The following UPF2 variants were observed in gnomAD, a reference collection of about 807,000 sequenced individuals.
UPF2 encodes the protein UPF2 regulator of nonsense mediated mRNA decay, also known as regulator of nonsense transcripts 2.
UPF2 carries 17 observed loss-of-function variants against 141.4 expected under a neutral mutation model. The ratio of observed to expected loss-of-function variants is 0.12; its 90% CI spans 0.08 to 0.18. The LOEUF (loss-of-function observed/expected upper bound fraction) is 0.18, where lower values mean the gene tolerates loss of function less well. UPF2 is among the 10% of genes least tolerant of loss of function. The pLI, the probability that UPF2 is intolerant of heterozygous loss-of-function variation, is 1.00. For synonymous variants in UPF2, 540 were observed against 498.0 expected (o/e 1.08, Z -1.12); for missense variants, 1,152 against 1,515.9 (o/e 0.76, Z 3.99).
intron 21 of UPF2, 131 bp downstream of exon 21, chr10:11,929,733 TA>T: frequency 7.6e-7 from 1 of 1,323,984 alleles, no homozygotes. Flanking sequence ...TCTATTTTGC[TA>T]AAATATCAAA....
chr10:12,036,744 G>A (rs538685452), intron 1 of UPF2, among the ~76,000 whole-genome samples: 98 of 152,200 alleles, frequency 6.4e-4, no homozygotes, highest in African/African-American at 1.8e-3. Flanking sequence ...ATCAAAATTC[G>A]GCCAAGCACA....
chr10:11,985,094 T>A lies in UPF2; in HGVS notation c.1845-5929A>T, dbSNP rs74949247. On this transcript the variant is annotated intron_variant, in intron 8 of 21. Transcript: ENST00000357604. ...TGAAGTAACAACACGGGAAAATGCTTTCAGCTTTAATAGGGATTTTTAAAA... is the reference window on the plus strand; with the variant it reads ...TGAAGTAACAACACGGGAAAATGCTATCAGCTTTAATAGGGATTTTTAAAA... Among the ~76,000 whole-genome samples, 918 of 152,320 alleles carry A rather than the reference T, an allele frequency of 6.0e-3. 8 individuals carry two copies. Among genetic ancestry groups the A allele is most frequent in the African/African-American group, 0.021 (862 of 41,560 alleles).
intron 20 of UPF2, 108 bp from the exon 21 acceptor site, chr10:11,930,093 A>T: frequency 6.7e-7 from 1 of 1,485,708 alleles, no homozygotes; most frequent in Admixed American, 2.0e-5. Flanking sequence ...CCTGTCAGGG[A>T]GCTGACTAAA....
rs1308464030 is a variant in UPF2 at position 11,939,558 on chromosome 10, C to T, written c.3379-2846G>A. Among the ~76,000 whole-genome samples, 2 of 151,802 alleles carry T rather than the reference C, an allele frequency of 1.3e-5. No homozygotes were observed. The highest frequency in any genetic ancestry group is 1.5e-5 in the Non-Finnish European group (1 of 67,958). ...GACGAAGTCTCGCTCTTGTCTCCCC[C>T]GGCTGGAGTGCAATGGCGTGATCTC... is the stretch of plus-strand genomic sequence containing the variant. On this transcript the variant is annotated intron_variant, in intron 18 of 21. Coordinates refer to ENST00000357604, the MANE Select transcript of UPF2 (RefSeq NM_015542.4). This position sits in a 1 kb window ranked among gnomAD's most constrained non-coding sequence, Gnocchi z 4.8.
At chr10:12,038,373 C>A (rs1834670610) in intron 1 of UPF2, among the ~76,000 whole-genome samples, 1 of 132,118 alleles carries the variant, frequency 7.6e-6, no homozygotes, top group South Asian at 2.5e-4. Flanking sequence ...GAGTGAGACT[C>A]CATCTCACAC....
chr10:11,945,743 A>G (rs1182209324), intron 16 of UPF2, among the ~76,000 whole-genome samples: 1 of 152,242 alleles, frequency 6.6e-6, no homozygotes, highest in Non-Finnish European at 1.5e-5. Context: ...TGAGAAATTA[A>G]TAAGAAAATG....
chr10:12,034,340 T>TTG (rs1189435840), intron 2 of UPF2, among the ~76,000 whole-genome samples: 1 of 148,874 alleles, frequency 6.7e-6, no homozygotes, highest in African/African-American at 2.5e-5. Context: ...TTTTTTTTTT[T>TTG]GAGATGCAGT....
At chr10:12,031,259 T>G (rs970135005) in intron 2 of UPF2, among the ~76,000 whole-genome samples, 1 of 151,524 alleles carries the variant, frequency 6.6e-6, no homozygotes. Flanking sequence ...TTTAACAAAG[T>G]ACCTTGCTAT....
At chr10:11,968,120 A>G (rs887277161) in intron 9 of UPF2, among the ~76,000 whole-genome samples, 2 of 152,152 alleles carry the variant, frequency 1.3e-5, no homozygotes, top group Admixed American at 1.3e-4. Context: ...CAGAGGTTGC[A>G]GTGAGCCAAG....
At chr10:11,938,853 G>GTTTGTTTTTTT (rs1832889677) in intron 18 of UPF2, among the ~76,000 whole-genome samples, 1 of 79,816 alleles carries the variant, frequency 1.3e-5, no homozygotes, top group East Asian at 3.6e-4. Context: ...TTTTTTTTTT[G>GTTTGTTTTTTT]TTTTTTTTTT....
chr10:12,018,165 C>G (rs1008744475), intron 3 of UPF2, among the ~76,000 whole-genome samples: 1 of 152,116 alleles, frequency 6.6e-6, no homozygotes, highest in African/African-American at 2.4e-5. Flanking sequence ...ACCTAAGGAT[C>G]GGCCAGGCAC....
rs967741548 is a variant in UPF2, at chr10:11,940,379, C to T, written c.3378+2286G>A. On this transcript the variant is annotated intron_variant, in intron 18 of 21. Coordinates refer to ENST00000357604, the MANE Select transcript of UPF2 (RefSeq NM_015542.4). This position sits in a 1 kb window ranked among gnomAD's most constrained non-coding sequence, Gnocchi z 4.2. ...TGACCCTGCTTCTCTTCTCTGTCCA[C>T]ACTTTACACCGGGGATGAATCATTT... Among the ~76,000 whole-genome samples the T allele has an allele frequency of 3.3e-5, 5 of 152,188 alleles. No individual in the cohort carries two copies. The highest frequency in any genetic ancestry group is 9.7e-5 in the African/African-American group (4 of 41,440).
intron 19 of UPF2, among the ~76,000 whole-genome samples, chr10:11,934,886 C>CCA (rs1421671112): frequency 6.6e-6 from 1 of 152,194 alleles, no homozygotes; most frequent in East Asian, 1.9e-4. Flanking sequence ...CTATGCCCGG[C>CCA]CACACACCAC....
chr10:11,925,331 G>A (rs1338408016), intron 21 of UPF2, among the ~76,000 whole-genome samples: 1 of 152,162 alleles, frequency 6.6e-6, no homozygotes, highest in East Asian at 1.9e-4. Context: ...TTTAAGAAAA[G>A]ATCTTAAAAC....
Position 12,004,652 on chromosome 10 carries a change from T to C in UPF2, c.1382A>G (p.Asp461Gly). ...CTCATAAAAATTCCGAGCATCTTCATCTTCCCATATACCACCTTCCAAGTC... is the reference window on the plus strand; with the variant it reads ...CTCATAAAAATTCCGAGCATCTTCACCTTCCCATATACCACCTTCCAAGTC... ...EYDLEGGIWE[D>G]EDARNFYENL... Residue 461 changes from aspartate (D) to glycine (G), a missense_variant, in exon 5 of 22, where the codon GAT (aspartate) becomes GGT (glycine). By Grantham distance (94) the Asp-to-Gly change is moderately conservative. Coordinates refer to ENST00000357604, the MANE Select transcript of UPF2 (RefSeq NM_015542.4). 5 of 1,613,896 alleles carry C rather than the reference T, an allele frequency of 3.1e-6. No individual in the cohort carries two copies. The highest frequency in any genetic ancestry group is 4.2e-6 in the Non-Finnish European group (5 of 1,179,904).
intron 18 of UPF2, among the ~76,000 whole-genome samples, chr10:11,938,842 G>GTTTCTTTTTTTTTTTTTTT (rs1832886928): frequency 2.2e-5 from 1 of 45,862 alleles, no homozygotes; most frequent in African/African-American, 7.0e-5. Context: ...TCTTAAGCAA[G>GTTTCTTTTTTTTTTTTTTT]TTTTTTTTTT....
At chr10:12,012,162 A>G (rs1337736811) in intron 4 of UPF2, among the ~76,000 whole-genome samples, 1 of 150,270 alleles carries the variant, frequency 6.7e-6, no homozygotes, top group African/African-American at 2.4e-5. Flanking sequence ...TCCCAGGTTC[A>G]AGCCATTCTC....
rs376060830 is a variant in UPF2 at position 12,001,837 on chromosome 10, C to T, written c.1505-12G>A. The T allele has an allele frequency of 1.3e-6, 2 of 1,577,000 alleles. No individual in the cohort carries two copies. The highest frequency in any genetic ancestry group is 2.3e-5 in the East Asian group (1 of 43,800). On this transcript the variant is annotated splice_polypyrimidine_tract_variant and intron_variant, in intron 5 of 21. Transcript: ENST00000357604. ...AGATTCTTTTGCCTCTGTTGAAAAA[C>T]AAACAAGTATACCTAAATTCAAAGT...
intron 3 of UPF2, chr10:12,026,575 C>G (rs1303409665): frequency 2.3e-6 from 1 of 441,762 alleles, no homozygotes; most frequent in African/African-American, 2.1e-5. Flanking sequence ...GGCCACCTTT[C>G]CTTCCCCAAC....
Sources: gnomAD v4.1 joint callset for allele counts (sites outside exome capture counted in the v4.1 genomes callset) on GRCh38, gnomAD v4.1.1 for gene constraint, Gnocchi (gnomAD v3.1) non-coding constraint, MANE v1.5 for transcripts, NCBI Gene and HGNC (gene_info 2026-07-23, HGNC 2026-07-21) for gene names.